Variants in UNC5D observed in about 807,000 individuals in gnomAD.
UNC5D encodes the protein unc-5 netrin receptor D.
Under a neutral mutation model 105.4 loss-of-function variants are expected in UNC5D, and 39 were observed. The ratio of observed to expected loss-of-function variants is 0.37; its 90% CI spans 0.29 to 0.48. The LOEUF is 0.48. Ranked by LOEUF, UNC5D falls within the 20% of genes least tolerant of loss-of-function variation. The pLI is 0.98. For synonymous variants in UNC5D, 452 were observed against 450.4 expected (o/e 1.00, Z -0.04); for missense variants, 991 against 1,202.4 (o/e 0.82, Z 2.60).
chr8:35,388,853 T>C (rs1803597424), intron 1 of UNC5D, among the ~76,000 whole-genome samples: 1 of 152,212 alleles, frequency 6.6e-6, no homozygotes, highest in African/African-American at 2.4e-5. Flanking sequence ...GAATAAACTG[T>C]CTTTTGAGGT....
chr8:35,587,878 A>T (rs1258708664), intron 3 of UNC5D, among the ~76,000 whole-genome samples: 1 of 150,412 alleles, frequency 6.6e-6, no homozygotes, highest in Non-Finnish European at 1.5e-5. Flanking sequence ...CAGATAAAGG[A>T]GATAATTAAT....
At chr8:35,237,396 T>C (rs1802543837) in intron 1 of UNC5D, among the ~76,000 whole-genome samples, 1 of 152,060 alleles carries the variant, frequency 6.6e-6, no homozygotes, top group Non-Finnish European at 1.5e-5. Flanking sequence ...TACACTCTTA[T>C]GGGAAAAGTG....
At chr8:35,268,272 A>G (rs532542459) in intron 1 of UNC5D, among the ~76,000 whole-genome samples, 295 of 99,096 alleles carry the variant, frequency 3.0e-3, no homozygotes, top group African/African-American at 0.01. Flanking sequence ...ATGAAAATTT[A>G]TTAAATGAAA....
intron 3 of UNC5D, among the ~76,000 whole-genome samples, chr8:35,586,673 A>C (rs1818815589): frequency 6.6e-6 from 1 of 152,200 alleles, no homozygotes; most frequent in African/African-American, 2.4e-5. Context: ...TTCAAAGCCT[A>C]TTTGAATACC....
chr8:35,757,386 C>T (rs1830562966), intron 13 of UNC5D, among the ~76,000 whole-genome samples: 2 of 152,116 alleles, frequency 1.3e-5, no homozygotes, highest in Admixed American at 6.5e-5. Flanking sequence ...AGCCACCATG[C>T]TTGTGAATGC....
At chr8:35,550,756 C>T (rs1411055938) in intron 2 of UNC5D, among the ~76,000 whole-genome samples, 1 of 152,054 alleles carries the variant, frequency 6.6e-6, no homozygotes, top group African/African-American at 2.4e-5. Context: ...CTAACTAGGA[C>T]TATCAGTAAA....
intron 1 of UNC5D, among the ~76,000 whole-genome samples, chr8:35,297,984 G>A (rs1240534386): frequency 6.6e-6 from 1 of 152,168 alleles, no homozygotes; most frequent in African/African-American, 2.4e-5. Flanking sequence ...TGTCTTCACA[G>A]TCAGTACTGG....
intron 15 of UNC5D, among the ~76,000 whole-genome samples, chr8:35,771,595 T>G (rs1305363395): frequency 2.6e-5 from 4 of 152,190 alleles, no homozygotes; most frequent in Non-Finnish European, 5.9e-5. Context: ...AGGTTCATTT[T>G]ATAACCATTC....
chr8:35,455,299 G>C (rs1337421192), intron 1 of UNC5D, among the ~76,000 whole-genome samples: 1 of 144,418 alleles, frequency 6.9e-6, no homozygotes, highest in Non-Finnish European at 1.5e-5. Context: ...TTTTTTTTGA[G>C]ACTGAGTGTC....
At chr8:35,579,672 G>A (rs1400345993) in intron 3 of UNC5D, among the ~76,000 whole-genome samples, 1 of 152,220 alleles carries the variant, frequency 6.6e-6, no homozygotes, top group African/African-American at 2.4e-5. Context: ...AGTACTTGTA[G>A]TGAATGAATC....
intron 1 of UNC5D, among the ~76,000 whole-genome samples, chr8:35,536,563 T>A (rs1814857173): frequency 6.6e-6 from 1 of 152,228 alleles, no homozygotes; most frequent in Non-Finnish European, 1.5e-5. Flanking sequence ...GCACAAGACC[T>A]GCTTTTGTCA....
In UNC5D at chr8:35,726,311, C is replaced by T. The variant is rs1356297974; in HGVS notation, c.1463C>T (p.Ser488Leu). 4 of 1,614,050 alleles carry T rather than the reference C, an allele frequency of 2.5e-6. No individual in the cohort carries two copies. Among genetic ancestry groups the T allele is most frequent in the Middle Eastern group, 1.6e-4 (1 of 6,062 alleles). The change falls in exon 10 of 17, where the codon TCG becomes TTG. Residue 488 changes from serine to leucine, a missense_variant. By Grantham distance (145) the Ser-to-Leu change is moderately radical (BLOSUM62 -2). Coordinates refer to ENST00000404895, the MANE Select transcript of UNC5D (RefSeq NM_080872.4). ...LSDIKVKVQSSFMVSLGVSER... is the reference protein window; with the variant it reads ...LSDIKVKVQSLFMVSLGVSER... ...GACATCAAAGTGAAAGTCCAGAGCTCGTTCATGGTTTCCCTGGGAGTGTCT... is the reference window on the plus strand; with the variant it reads ...GACATCAAAGTGAAAGTCCAGAGCTTGTTCATGGTTTCCCTGGGAGTGTCT...
chr8:35,384,814 T>C (rs1019493530), intron 1 of UNC5D, among the ~76,000 whole-genome samples: 3 of 152,190 alleles, frequency 2.0e-5, no homozygotes, highest in African/African-American at 7.2e-5. Flanking sequence ...TGACTAAAGG[T>C]TTACACTTTT....
intron 1 of UNC5D, among the ~76,000 whole-genome samples, chr8:35,436,600 T>A (rs907648000): frequency 6.6e-6 from 1 of 152,106 alleles, no homozygotes; most frequent in African/African-American, 2.4e-5. Context: ...GGTCAGTTGA[T>A]GGTGTCATAC....
intron 1 of UNC5D, among the ~76,000 whole-genome samples, chr8:35,385,687 G>A (rs185882567): frequency 2.8e-4 from 43 of 151,996 alleles, no homozygotes; most frequent in Admixed American, 2.2e-3. Context: ...GGATGGTCTC[G>A]ATCTCCTGAC....
intron 11 of UNC5D, among the ~76,000 whole-genome samples, chr8:35,747,557 T>C (rs908527072): frequency 2.6e-5 from 4 of 152,190 alleles, no homozygotes; most frequent in Non-Finnish European, 5.9e-5. Flanking sequence ...TATTATTATT[T>C]TTCTTACAAG....
At chr8:35,411,620 C>T (rs1481247457) in intron 1 of UNC5D, among the ~76,000 whole-genome samples, 1 of 151,996 alleles carries the variant, frequency 6.6e-6, no homozygotes, top group Non-Finnish European at 1.5e-5. Flanking sequence ...TTAAAGATGT[C>T]CACCCTGGCC....
chr8:35,570,067 A>C (rs1817615654), intron 3 of UNC5D, among the ~76,000 whole-genome samples: 1 of 152,140 alleles, frequency 6.6e-6, no homozygotes, highest in Admixed American at 6.5e-5. Context: ...TCCAGGGAAA[A>C]ACCTTGTTTT....
chr8:35,318,748 A>C (rs945059656), intron 1 of UNC5D, among the ~76,000 whole-genome samples: 2 of 152,070 alleles, frequency 1.3e-5, no homozygotes, highest in African/African-American at 4.8e-5. Flanking sequence ...AAACAGCCTG[A>C]ACACAACTAA....
Sources: gnomAD v4.1 joint callset for allele counts (sites outside exome capture counted in the v4.1 genomes callset) on GRCh38, gnomAD v4.1.1 for gene constraint, MANE v1.5 for transcripts, NCBI Gene and HGNC (gene_info 2026-07-23, HGNC 2026-07-21) for gene names.